The following PFKP variants were observed in gnomAD, a reference collection of about 807,000 sequenced individuals.
PFKP encodes ATP-dependent 6-phosphofructokinase, platelet type.
In PFKP, 101 loss-of-function variants were observed where a neutral mutation model predicts 94.3. That is an observed-to-expected ratio of 1.07 (90% CI 0.91 to 1.26). The LOEUF is 1.26. Ranked by LOEUF, PFKP falls within the 50% of genes most tolerant of loss-of-function variation. The probability of loss-of-function intolerance (pLI) is 0.00; values close to 1 mark genes in which losing one functional copy is unlikely to be tolerated. For missense variants in PFKP, 1,145 were observed against 1,103.3 expected (o/e 1.04, Z -0.53); for synonymous variants, 573 against 432.6 (o/e 1.32, Z -4.03).
At position 3,133,256 on chromosome 10, in the gene PFKP, C is replaced by T. The variant is rs774393896; in HGVS notation, c.1964C>T (p.Ser655Leu). The change falls in exon 19 of 22, where the codon TCA becomes TTA. Residue 655 changes from serine (S) to leucine (L), a missense_variant. Physicochemically the swap from Ser to Leu is moderately radical, Grantham distance 145. Transcript: ENST00000381125. ...ACCGACTTCATTTACCAGCTGTATT[C>T]AGAAGAGGGCAAAGGCGTGTTTGAC... ...YTTDFIYQLY[S>L]EEGKGVFDCR... 3.1e-6 allele frequency: 5 copies of T among 1,614,150 alleles called. No homozygotes were observed. In the Admixed American group the frequency reaches 5.0e-5, roughly 16 times the overall value.
chr10:3,112,206 A>T lies in PFKP; in HGVS notation c.1090-16A>T, dbSNP rs1205194886. On this transcript the variant is annotated splice_polypyrimidine_tract_variant and intron_variant, in intron 10 of 21. Transcript: ENST00000381125. ...TCCTGACACATTCTTTCTTCTTTTC[A>T]TCATTGTTTTAAAAGACTCAGGATG... The T allele has an allele frequency of 6.2e-7, 1 of 1,607,666 alleles. No homozygotes were observed. The highest frequency in any genetic ancestry group is 2.2e-5 in the East Asian group (1 of 44,830).
intron 4 of PFKP, 115 bp downstream of exon 4, chr10:3,101,669 G>C (rs569315052): frequency 1.7e-4 from 119 of 699,258 alleles, no homozygotes; most frequent in Non-Finnish European, 2.5e-4. Context: ...AGATCTTACA[G>C]GTCACCATCT....
intron 16 of PFKP, 133 bp from the exon 17 acceptor site, chr10:3,129,686 C>T (rs1365960808): frequency 1.1e-6 from 1 of 937,666 alleles, no homozygotes; most frequent in Non-Finnish European, 1.6e-6. Context: ...CACCCTTCAC[C>T]TCTGCGGGAT....
At chr10:3,119,417 C>A (rs1303268304) in intron 15 of PFKP, among the ~76,000 whole-genome samples, 1 of 150,928 alleles carries the variant, frequency 6.6e-6, no homozygotes, top group Non-Finnish European at 1.5e-5. Flanking sequence ...ACCAGCCTGA[C>A]CAACATGGTG....
rs200720655 is a variant in PFKP at position 3,136,569 on chromosome 10, G to A, written c.2345G>A (p.Trp782Ter). Reference sequence around the variant, plus strand: ...GGCCAGCTGGAACATGTGCAGCCCTGGAGTGTCTGACCCAGTCCCGCCTGC... The same window carrying A: ...GGCCAGCTGGAACATGTGCAGCCCTAGAGTGTCTGACCCAGTCCCGCCTGC... ...DSGQLEHVQP[W>*]SV The change falls in exon 22 of 22, where the codon TGG becomes TAG. Residue 782 changes from tryptophan to a stop codon, truncating the protein, a stop_gained. Coordinates refer to ENST00000381125, the MANE Select transcript of PFKP (RefSeq NM_002627.5). LOFTEE classifies it high-confidence loss of function. The A allele has an allele frequency of 1.2e-6, 2 of 1,613,392 alleles. No homozygotes were observed. The highest frequency in any genetic ancestry group is 1.7e-6 in the Non-Finnish European group (2 of 1,179,672).
At chr10:3,128,689 C>T (rs2131698295) in intron 16 of PFKP, among the ~76,000 whole-genome samples, 1 of 152,390 alleles carries the variant, frequency 6.6e-6, no homozygotes, top group East Asian at 1.9e-4. Flanking sequence ...CCTTCAGCCT[C>T]TGCGCCCCTC....
chr10:3,089,824 TCAAACTGTTTTTTACC>T (rs778853727), intron 2 of PFKP, among the ~76,000 whole-genome samples: 15 of 152,172 alleles, frequency 9.9e-5, no homozygotes, highest in Non-Finnish European at 2.1e-4. Flanking sequence ...TCCTTCTATC[TCAAACTGTTTTTTACC>T]CATTAACCAT....
intron 2 of PFKP, among the ~76,000 whole-genome samples, chr10:3,082,714 TTTC>T (rs1165605424): frequency 6.6e-6 from 1 of 152,140 alleles, no homozygotes; most frequent in African/African-American, 2.4e-5. Context: ...AAAAAGCCAT[TTTC>T]TTTTTTCTTT....
chr10:3,079,443 C>T (rs978289972), intron 1 of PFKP, among the ~76,000 whole-genome samples: 2 of 151,956 alleles, frequency 1.3e-5, no homozygotes, highest in Non-Finnish European at 1.5e-5. Context: ...ACCATGTTAG[C>T]CAGGATGGTC....
rs774393896 is a variant in PFKP at position 3,133,256 on chromosome 10, C to G, written c.1964C>G (p.Ser655Ter). The change falls in exon 19 of 22, where the codon TCA becomes TGA. Residue 655 changes from serine (S) to a stop codon, truncating the protein, a stop_gained. Transcript: ENST00000381125. LOFTEE classifies it high-confidence loss of function. ...ACCGACTTCATTTACCAGCTGTATTCAGAAGAGGGCAAAGGCGTGTTTGAC... is the reference window on the plus strand; with the variant it reads ...ACCGACTTCATTTACCAGCTGTATTGAGAAGAGGGCAAAGGCGTGTTTGAC... ...YTTDFIYQLY[S>*]EEGKGVFDCR... 4 of 1,614,032 alleles carry G rather than the reference C, an allele frequency of 2.5e-6. No individual in the cohort carries two copies. Among genetic ancestry groups the G allele is most frequent in the Non-Finnish European group, 2.5e-6 (3 of 1,180,002 alleles).
chr10:3,099,180 T>A, intron 2 of PFKP, 95 bp from the exon 3 acceptor site: 1 of 960,928 alleles, frequency 1.0e-6, no homozygotes, highest in Non-Finnish European at 1.7e-6. Flanking sequence ...GAACTGACAT[T>A]CACTGTCATT....
chr10:3,103,724 C>CT, intron 4 of PFKP, 55 bp from the exon 5 acceptor site: 1 of 1,597,934 alleles, frequency 6.3e-7, no homozygotes, highest in Non-Finnish European at 8.6e-7. Flanking sequence ...AGTGGGGCAC[C>CT]CCCCGAACGC....
intron 1 of PFKP, chr10:3,068,560 A>G (rs41285619): frequency 0.05 from 25,742 of 516,454 alleles, 766 homozygotes; most frequent in Middle Eastern, 0.063. Flanking sequence ...CCTGCCCTGC[A>G]ATGTGGAAGC....
chr10:3,090,211 T>G (rs1308662383), intron 2 of PFKP, among the ~76,000 whole-genome samples: 1 of 152,216 alleles, frequency 6.6e-6, no homozygotes, highest in Admixed American at 6.5e-5. Flanking sequence ...AAAACCTGCT[T>G]TTTAAAATCC....
intron 1 of PFKP, among the ~76,000 whole-genome samples, chr10:3,073,556 G>A (rs1832354980): frequency 6.6e-6 from 1 of 151,908 alleles, no homozygotes; most frequent in African/African-American, 2.4e-5. Context: ...GGGCAGATCA[G>A]CTTCTCCACT....
At chr10:3,117,814 G>A (rs1278087635) in intron 14 of PFKP, among the ~76,000 whole-genome samples, 1 of 152,218 alleles carries the variant, frequency 6.6e-6, no homozygotes, top group Non-Finnish European at 1.5e-5. Context: ...AGGACTCGCT[G>A]GCTGTTGTGG....
intron 2 of PFKP, among the ~76,000 whole-genome samples, chr10:3,096,482 C>G (rs910946124): frequency 6.6e-6 from 1 of 152,168 alleles, no homozygotes; most frequent in Non-Finnish European, 1.5e-5. Flanking sequence ...TACGGCCGCT[C>G]TACATCCCAG....
intron 16 of PFKP, chr10:3,125,264 T>C: frequency 7.8e-7 from 1 of 1,284,950 alleles, no homozygotes; most frequent in Non-Finnish European, 1.0e-6. Flanking sequence ...GAGAACCCCG[T>C]TTCCTCTCAT....
At chr10:3,069,406 C>G in intron 1 of PFKP, 1 of 1,580,074 alleles carries the variant, frequency 6.3e-7, no homozygotes, top group Non-Finnish European at 8.6e-7. Flanking sequence ...ATGGAGCCGC[C>G]TTGGGGTCGG....
Sources: gnomAD v4.1 joint callset for allele counts (sites outside exome capture counted in the v4.1 genomes callset) on GRCh38, gnomAD v4.1.1 for gene constraint, MANE v1.5 for transcripts, NCBI Gene and HGNC (gene_info 2026-07-23, HGNC 2026-07-21) for gene names.